Variants in ZNF17 observed in about 807,000 individuals in gnomAD.
The protein encoded by ZNF17 is zinc finger protein 17.
A neutral mutation model predicts 7.7 loss-of-function variants in ZNF17; 4 were observed. The observed-to-expected ratio is 0.52, with a 90% CI of 0.26 to 1.20. The LOEUF (loss-of-function observed/expected upper bound fraction) is 1.20. Ranked by LOEUF, ZNF17 falls within the 50% of genes most tolerant of loss-of-function variation. ZNF17 has a pLI of 0.14. For synonymous variants in ZNF17, 249 were observed against 258.8 expected (o/e 0.96, Z 0.36); for missense variants, 738 against 799.5 (o/e 0.92, Z 0.93).
At position 57,421,390 on chromosome 19, in the gene ZNF17, C is replaced by G. The variant is rs773895101; in HGVS notation, c.1904C>G (p.Thr635Ser). The G allele has an allele frequency of 6.2e-7, 1 of 1,614,162 alleles. No individual in the cohort carries two copies. The highest frequency in any genetic ancestry group is 2.2e-5 in the East Asian group (1 of 44,880). The change falls in exon 4 of 4, where the codon ACT becomes AGT. Residue 635 changes from threonine to serine, a missense_variant. By Grantham distance (58) the Thr-to-Ser change is moderately conservative (BLOSUM62 1). Around this residue, in one of 3 missense-constraint regions of ZNF17, gnomAD observed 116 missense variants for 114.0 expected, o/e 1.02. Coordinates refer to ENST00000307658, the MANE Select transcript of ZNF17 (RefSeq NM_001330617.2). ...SSLIKHRRIH[T>S]GERPYQCSEC... ...CTCATTAAACATCGGAGAATTCACA[C>G]TGGAGAGAGACCTTATCAGTGCAGT...
At chr19:57,412,917 C>T (rs568368682) in intron 1 of ZNF17, among the ~76,000 whole-genome samples, 7 of 148,884 alleles carry the variant, frequency 4.7e-5, no homozygotes, top group Non-Finnish European at 7.4e-5. Flanking sequence ...CTCGCTCTGT[C>T]GCCAGGCTGG....
rs1377625593 is a variant in ZNF17, at chr19:57,421,468, T to C, written c.1982T>C (p.Val661Ala). ...TCTCATCTCATTCAGCACCAGAAAG[T>C]TCACACCAGATAAAGAATGTATATA... ...QNSHLIQHQK[V>A]HTR The change falls in exon 4 of 4, where the codon GTT (valine) becomes GCT (alanine). Residue 661 changes from valine (V) to alanine (A), a missense_variant. By Grantham distance (64) the Val-to-Ala change is moderately conservative (BLOSUM62 0). Coordinates refer to ENST00000307658, the MANE Select transcript of ZNF17 (RefSeq NM_001330617.2). The C allele has an allele frequency of 6.2e-7, 1 of 1,604,126 alleles. No homozygotes were observed. The highest frequency in any genetic ancestry group is 1.7e-5 in the Admixed American group (1 of 58,556).
At chr19:57,418,081 G>GT (rs1568538363) in intron 3 of ZNF17, 43 bp downstream of exon 3, 3 of 1,582,420 alleles carry the variant, frequency 1.9e-6, no homozygotes, top group South Asian at 1.1e-5. Flanking sequence ...GCTGGGCAAT[G>GT]TTTTTTCACT....
chr19:57,420,865 A>G lies in ZNF17; in HGVS notation c.1379A>G (p.Asn460Ser). Residue 460 changes from asparagine to serine, a missense_variant, in exon 4 of 4, where the codon AAT (asparagine) becomes AGT (serine). Physicochemically the swap from Asn to Ser is conservative, Grantham distance 46 (BLOSUM62 1). This residue lies in a region of ZNF17 where 616 missense variants were observed against 663.9 expected (regional missense o/e 0.93). Coordinates refer to ENST00000307658, the MANE Select transcript of ZNF17 (RefSeq NM_001330617.2). Reference sequence around the variant, plus strand: ...TTCTTTAGGTATTGCTTCACACTGAATAGACATCAGAGAGTTCACTCTGGA... The same window carrying G: ...TTCTTTAGGTATTGCTTCACACTGAGTAGACATCAGAGAGTTCACTCTGGA... Reference protein sequence around the residue: ...GKFFRYCFTLNRHQRVHSGER... With the variant: ...GKFFRYCFTLSRHQRVHSGER... 3.1e-6 allele frequency: 5 copies of G among 1,613,976 alleles called. No individual in the cohort carries two copies. The highest frequency in any genetic ancestry group is 4.2e-6 in the Non-Finnish European group (5 of 1,179,990).
Position 57,421,500 on chromosome 19 carries a change from A to C in ZNF17, c.*19A>C. 1 of 1,557,994 alleles carries C rather than the reference A, an allele frequency of 6.4e-7. No homozygotes were observed. Among genetic ancestry groups the C allele is most frequent in the Non-Finnish European group, 8.7e-7 (1 of 1,153,240 alleles). On this transcript the variant is annotated 3_prime_UTR_variant, in exon 4 of 4. Coordinates refer to ENST00000307658, the MANE Select transcript of ZNF17 (RefSeq NM_001330617.2). ...CAGATAAAGAATGTATATATAAAGC[A>C]GATGGGGAAAGACTTCACACAGAAA...
intron 3 of ZNF17, 147 bp downstream of exon 3, chr19:57,418,185 T>C (rs2088824193): frequency 1.8e-6 from 2 of 1,086,634 alleles, no homozygotes; most frequent in Non-Finnish European, 2.7e-6. Flanking sequence ...ACAGCTGGGC[T>C]GTGTGATCTG....
intron 2 of ZNF17, 142 bp from the exon 3 acceptor site, chr19:57,417,770 C>A: frequency 1.0e-6 from 1 of 1,001,046 alleles, no homozygotes; most frequent in Non-Finnish European, 1.4e-6. Flanking sequence ...TCACTTGAAT[C>A]CGGGAGGCGG....
chr19:57,411,526 A>C, intron 1 of ZNF17, 120 bp downstream of exon 1: 2 of 1,479,132 alleles, frequency 1.4e-6, no homozygotes, highest in Non-Finnish European at 1.8e-6. Context: ...TGTGTGGGGT[A>C]CCGGTGTCCG....
At chr19:57,417,605 T>C (rs1345521917) in intron 2 of ZNF17, among the ~76,000 whole-genome samples, 1 of 152,056 alleles carries the variant, frequency 6.6e-6, no homozygotes, top group East Asian at 1.9e-4. Flanking sequence ...TCCCAGCAAT[T>C]TGGGAGGCCA....
Position 57,420,602 on chromosome 19 carries a change from C to T in ZNF17, c.1116C>T (p.Ser372=), listed in dbSNP as rs750665601. ...AATGTGGGAAATTCTTTATGGACAGCTGCACACTCATTATTCACCAGAGAG... is the reference window on the plus strand; with the variant it reads ...AATGTGGGAAATTCTTTATGGACAGTTGCACACTCATTATTCACCAGAGAG... ...CCECGKFFMD[S]CTLIIHQRVH... is the part of the protein sequence containing the mutation. The change falls in exon 4 of 4, where the codon AGC becomes AGT. Residue 372 remains serine (S), a synonymous_variant. Transcript: ENST00000307658. The T allele has an allele frequency of 3.7e-6, 6 of 1,613,848 alleles. No individual in the cohort carries two copies. The South Asian group carries it at 5.5e-5, about 15-fold the overall frequency.
At chr19:57,419,601 G>A in intron 3 of ZNF17, 34 bp from the exon 4 acceptor site, 1 of 1,576,766 alleles carries the variant, frequency 6.3e-7, no homozygotes. Flanking sequence ...TCCCTCCAAA[G>A]TCATCATGCA....
At chr19:57,411,473 C>A in intron 1 of ZNF17, 67 bp downstream of exon 1, 2 of 1,582,792 alleles carry the variant, frequency 1.3e-6, no homozygotes, top group East Asian at 2.3e-5. Context: ...CGAGGAGGGG[C>A]CCTGCAGGTC....
At position 57,419,817 on chromosome 19, in the gene ZNF17, C is replaced by T. The variant is rs763032655; in HGVS notation, c.331C>T (p.Arg111Cys). Residue 111 changes from arginine (R) to cysteine (C), a missense_variant, in exon 4 of 4, where the codon CGT becomes TGT. Physicochemically the swap from Arg to Cys is radical, Grantham distance 180. Around this residue, in one of 3 missense-constraint regions of ZNF17, gnomAD observed 616 missense variants for 663.9 expected, o/e 0.93. Transcript: ENST00000307658. ...LAEHDGTHPKRTAKLYLHQKE... is the reference protein window; with the variant it reads ...LAEHDGTHPKCTAKLYLHQKE... ...TGAGCATGACGGAACACACCCCAAG[C>T]GTACAGCCAAGCTTTACCTGCACCA... 36 of 1,614,072 alleles carry T rather than the reference C, an allele frequency of 2.2e-5. No homozygotes were observed. The highest frequency in any genetic ancestry group is 6.6e-5 in the South Asian group (6 of 91,086).
intron 1 of ZNF17, among the ~76,000 whole-genome samples, chr19:57,412,686 T>C (rs1185658165): frequency 4.6e-5 from 7 of 152,002 alleles, no homozygotes; most frequent in Admixed American, 4.6e-4. Flanking sequence ...CCTCATGATC[T>C]GCACGCCTCA....
chr19:57,419,398 C>T (rs1365720817), intron 3 of ZNF17: 4 of 428,866 alleles, frequency 9.3e-6, no homozygotes, highest in African/African-American at 5.9e-5. Flanking sequence ...GGGGACTCCA[C>T]TTCTGTGCTC....
rs747348059 is a variant in ZNF17 at position 57,421,090 on chromosome 19, A to C, written c.1604A>C (p.Lys535Thr). The C allele has an allele frequency of 1.9e-6, 3 of 1,614,060 alleles. No individual in the cohort carries two copies. Among genetic ancestry groups the C allele is most frequent in the Non-Finnish European group, 2.5e-6 (3 of 1,179,914 alleles). The change falls in exon 4 of 4, where the codon AAA becomes ACA. Residue 535 changes from lysine to threonine, a missense_variant. By Grantham distance (78) the Lys-to-Thr change is moderately conservative (BLOSUM62 -1). Coordinates refer to ENST00000307658, the MANE Select transcript of ZNF17 (RefSeq NM_001330617.2). ...CCTTATGAGTGTAGTGAATGTGGGAAATTCTTTAGGCACAACTCAAATCAT... is the reference window on the plus strand; with the variant it reads ...CCTTATGAGTGTAGTGAATGTGGGACATTCTTTAGGCACAACTCAAATCAT... The part of the protein sequence containing the change: ...ERPYECSECG[K>T]FFRHNSNHIR...
At position 57,411,371 on chromosome 19, in the gene ZNF17, G is replaced by A; in HGVS notation, c.-56G>A. The A allele has an allele frequency of 6.2e-7, 1 of 1,612,570 alleles. No individual in the cohort carries two copies. Among genetic ancestry groups the A allele is most frequent in the Non-Finnish European group, 8.5e-7 (1 of 1,179,402 alleles). On this transcript the variant is annotated 5_prime_UTR_variant, in exon 1 of 4. It adds an upstream start codon to the 5' untranslated region. Transcript: ENST00000307658. ...GCTCCCGCCCCGCTCTTCCCTGGCT[G>A]TGCTGGCGGAGGCTGCGCCGATGAA...
intron 1 of ZNF17, among the ~76,000 whole-genome samples, chr19:57,412,714 G>C (rs1358192091): frequency 6.6e-6 from 1 of 152,112 alleles, no homozygotes; most frequent in Non-Finnish European, 1.5e-5. Context: ...AAAGTGCTGG[G>C]ATTACAGGCA....
chr19:57,417,368 C>T (rs1360005326), intron 2 of ZNF17, among the ~76,000 whole-genome samples: 1 of 152,036 alleles, frequency 6.6e-6, no homozygotes, highest in African/African-American at 2.4e-5. Flanking sequence ...ACTATCCCTC[C>T]TTTTGTGGTA....
Sources: gnomAD v4.1 joint callset for allele counts (sites outside exome capture counted in the v4.1 genomes callset) on GRCh38, gnomAD v4.1.1 for gene constraint, gnomAD v4.1.1 regional missense constraint, MANE v1.5 for transcripts, NCBI Gene and HGNC (gene_info 2026-07-23, HGNC 2026-07-21) for gene names.